Variants in CTNNA2 observed in about 807,000 individuals in gnomAD.
CTNNA2 encodes the protein catenin alpha-2.
In CTNNA2, 42 loss-of-function variants were observed where a neutral mutation model predicts 101.0. That is an observed-to-expected ratio of 0.42 (90% CI 0.32 to 0.54). The LOEUF is 0.54. Among genes scored for constraint, CTNNA2 ranks in the 20% least tolerant of loss-of-function variants. The pLI, the probability that CTNNA2 is intolerant of heterozygous loss-of-function variation, is 0.14. For missense variants in CTNNA2, 871 were observed against 1,223.1 expected, an observed-to-expected ratio of 0.71 and a Z score of 4.29; for synonymous variants, 450 against 456.4, an observed-to-expected ratio of 0.99 and a Z score of 0.18.
chr2:80,542,155 T>C (rs74261565), intron 9 of CTNNA2, among the ~76,000 whole-genome samples: 1 of 150,788 alleles, frequency 6.6e-6, no homozygotes, highest in Non-Finnish European at 1.5e-5. Flanking sequence ...AAAATAATAA[T>C]AACTCCTCAG....
chr2:80,290,620 C>T (rs183863551), intron 7 of CTNNA2, among the ~76,000 whole-genome samples: 2 of 151,958 alleles, frequency 1.3e-5, no homozygotes, highest in Non-Finnish European at 2.9e-5. Flanking sequence ...AATTACTCCC[C>T]CTCCCTGAAA....
rs1044009145 is a variant in CTNNA2, at chr2:79,632,006, A to G, written c.-5-19546A>G. ...ATTTTAAAATCCCTGTAATTTTCAT[A>G]TATTTTAGCAGACTGTGTGTTTAAG... On this transcript the variant is annotated intron_variant, in intron 1 of 18. Transcript: ENST00000402739. Among the ~76,000 whole-genome samples, 24 of 152,332 alleles carry G rather than the reference A, an allele frequency of 1.6e-4. No homozygotes were observed. In the East Asian group the frequency reaches 4.6e-3, roughly 29 times the overall value.
chr2:80,262,914 GACAAAAATAATAAAAACAA>G, intron 7 of CTNNA2, among the ~76,000 whole-genome samples: 1 of 54,928 alleles, frequency 1.8e-5, no homozygotes, highest in African/African-American at 3.8e-5. Context: ...CAACAATATT[GACAAAAATAATAAAAACAA>G]CAATATTGAC....
At chr2:79,466,611 A>C (rs1670939343) in intron 4 of CTNNA2, among the ~76,000 whole-genome samples, 1 of 152,202 alleles carries the variant, frequency 6.6e-6, no homozygotes. Flanking sequence ...TGAGTAGCCT[A>C]ACTGGGAGGC....
chr2:80,274,233 T>G (rs1405714397), intron 7 of CTNNA2, among the ~76,000 whole-genome samples: 1 of 152,148 alleles, frequency 6.6e-6, no homozygotes, highest in African/African-American at 2.4e-5. Flanking sequence ...TTATGAGGCC[T>G]TTGGTTGTCT....
intron 2 of CTNNA2, among the ~76,000 whole-genome samples, chr2:79,259,930 T>C (rs1170025787): frequency 6.6e-6 from 1 of 152,186 alleles, no homozygotes; most frequent in East Asian, 1.9e-4. Context: ...TGCAAGAAAC[T>C]ATTACATTAG....
At chr2:80,108,375 T>G (rs1701014798) in intron 7 of CTNNA2, among the ~76,000 whole-genome samples, 1 of 152,160 alleles carries the variant, frequency 6.6e-6, no homozygotes, top group South Asian at 2.1e-4. Context: ...GTAAAATCAC[T>G]ATGCTGCCCC....
chr2:79,487,133 T>C (rs1010686711), intron 4 of CTNNA2, among the ~76,000 whole-genome samples: 11 of 152,350 alleles, frequency 7.2e-5, no homozygotes, highest in Middle Eastern at 3.4e-3. Context: ...GTAACCATCT[T>C]AACTTTGGAA....
At chr2:80,178,724 A>T (rs192603776) in intron 7 of CTNNA2, among the ~76,000 whole-genome samples, 3 of 152,118 alleles carry the variant, frequency 2.0e-5, no homozygotes. Context: ...AAATAGACCC[A>T]CTTAGCATTG....
At chr2:80,403,319 G>A (rs1469896152) in intron 8 of CTNNA2, among the ~76,000 whole-genome samples, 2 of 152,176 alleles carry the variant, frequency 1.3e-5, no homozygotes, top group Non-Finnish European at 2.9e-5. Flanking sequence ...CCCCCGCAAA[G>A]TCTCAATGTC....
intron 3 of CTNNA2, among the ~76,000 whole-genome samples, chr2:79,804,979 A>C (rs1393978018): frequency 6.6e-6 from 1 of 152,174 alleles, no homozygotes; most frequent in Non-Finnish European, 1.5e-5. Context: ...AATGGGAAGG[A>C]GGGGAGCGGG....
chr2:80,237,621 C>G (rs367698580), intron 7 of CTNNA2, among the ~76,000 whole-genome samples: 2 of 152,000 alleles, frequency 1.3e-5, no homozygotes, highest in Admixed American at 6.6e-5. Context: ...AGACTGGATG[C>G]CAGAGGAAGC....
At chr2:79,516,231 G>A (rs1671800459) in intron 1 of CTNNA2, among the ~76,000 whole-genome samples, 1 of 152,094 alleles carries the variant, frequency 6.6e-6, no homozygotes. Flanking sequence ...TCAGTACTTG[G>A]TACAAACAAA....
At chr2:79,264,151 A>G (rs770148879) in intron 2 of CTNNA2, among the ~76,000 whole-genome samples, 4 of 152,146 alleles carry the variant, frequency 2.6e-5, no homozygotes, top group Non-Finnish European at 5.9e-5. Flanking sequence ...AAACATAAGT[A>G]CCACTTGTGA....
intron 7 of CTNNA2, among the ~76,000 whole-genome samples, chr2:80,013,175 A>C (rs1184013286): frequency 6.6e-6 from 1 of 152,108 alleles, no homozygotes; most frequent in African/African-American, 2.4e-5. Context: ...AAAAAAGAAA[A>C]AAAAGTCCAA....
At chr2:80,437,427 T>G (rs189295341) in intron 9 of CTNNA2, among the ~76,000 whole-genome samples, 183 of 152,348 alleles carry the variant, frequency 1.2e-3, no homozygotes, top group South Asian at 2.1e-3. Context: ...GTGATTACTT[T>G]GGATCAACTT....
chr2:79,212,564 G>A (rs1674189680), intron 2 of CTNNA2, among the ~76,000 whole-genome samples: 1 of 152,138 alleles, frequency 6.6e-6, no homozygotes, highest in Non-Finnish European at 1.5e-5. Context: ...GGATATAAAG[G>A]TTTCACTGAA....
At chr2:80,418,984 A>G (rs1342115566) in intron 8 of CTNNA2, among the ~76,000 whole-genome samples, 1 of 152,212 alleles carries the variant, frequency 6.6e-6, no homozygotes, top group Non-Finnish European at 1.5e-5. Context: ...TCTATCTAAC[A>G]CAAACAATGG....
At chr2:80,041,903 T>C (rs1022405613) in intron 7 of CTNNA2, among the ~76,000 whole-genome samples, 3 of 152,166 alleles carry the variant, frequency 2.0e-5, no homozygotes, top group African/African-American at 7.2e-5. Flanking sequence ...GGTTCTCTCA[T>C]GGGTTCAAAA....
Sources: gnomAD v4.1 joint callset for allele counts (sites outside exome capture counted in the v4.1 genomes callset) on GRCh38, gnomAD v4.1.1 for gene constraint, MANE v1.5 for transcripts, NCBI Gene and HGNC (gene_info 2026-07-23, HGNC 2026-07-21) for gene names.